The following VWF variants were observed in gnomAD, a reference collection of about 807,000 sequenced individuals.
The protein encoded by VWF is von Willebrand factor.
A neutral mutation model predicts 308.6 loss-of-function variants in VWF; 176 were observed. The ratio of observed to expected loss-of-function variants is 0.57; its 90% CI spans 0.50 to 0.65. VWF has a LOEUF of 0.65. Among genes scored for constraint, VWF ranks in the 30% least tolerant of loss-of-function variants. The probability of loss-of-function intolerance (pLI) is 0.00; values close to 1 mark genes in which losing one functional copy is unlikely to be tolerated. For synonymous variants in VWF, 1,385 were observed against 1,443.4 expected (o/e 0.96, Z 0.92); for missense variants, 3,146 against 3,648.2 (o/e 0.86, Z 3.55).
In VWF at chr12:6,020,312, TA is replaced by T. The variant is rs1040142354; in HGVS notation, c.3675-570del. Among the ~76,000 whole-genome samples, 1 of 152,230 alleles carries T rather than the reference TA, an allele frequency of 6.6e-6. No homozygotes were observed. On this transcript the variant is annotated intron_variant, in intron 27 of 51. Coordinates refer to ENST00000261405, the MANE Select transcript of VWF (RefSeq NM_000552.5). This position sits in a 1 kb window ranked among gnomAD's most constrained non-coding sequence, Gnocchi z 4.3. Reference sequence around the variant, plus strand: ...AGCAAAAACATTGTAGAAAGATGAATAAAGATTCAAAACCCCAGCTTTATCT... The same window carrying T: ...AGCAAAAACATTGTAGAAAGATGAATAAGATTCAAAACCCCAGCTTTATCT...
intron 2 of VWF, among the ~76,000 whole-genome samples, chr12:6,121,860 G>A (rs1945436116): frequency 6.6e-6 from 1 of 152,062 alleles, no homozygotes; most frequent in South Asian, 2.1e-4. Flanking sequence ...GAGCCCAGGA[G>A]GCAGAGGTTG....
intron 31 of VWF, among the ~76,000 whole-genome samples, chr12:6,014,034 G>A (rs569059201): frequency 2.6e-5 from 4 of 152,206 alleles, no homozygotes; most frequent in Admixed American, 2.6e-4. Flanking sequence ...TTGCATATAT[G>A]GCAGTTGGAG....
rs1944683827 is a variant in VWF, at chr12:6,063,892, C to G, written c.1432+354G>C. On this transcript the variant is annotated intron_variant, in intron 12 of 51. Coordinates refer to ENST00000261405, the MANE Select transcript of VWF (RefSeq NM_000552.5). This position sits in a 1 kb window ranked among gnomAD's most constrained non-coding sequence, Gnocchi z 4.9. ...CGATCTCTCAGCATCAGCCTCTGCC[C>G]CTGTCCCACCCCAGAGCAAACCAGA... Among the ~76,000 whole-genome samples the G allele has an allele frequency of 6.6e-6, 1 of 152,036 alleles. No individual in the cohort carries two copies. The highest frequency in any genetic ancestry group is 2.1e-4 in the South Asian group (1 of 4,822).
intron 5 of VWF, among the ~76,000 whole-genome samples, chr12:6,097,173 G>C (rs754698919): frequency 6.6e-5 from 10 of 152,100 alleles, no homozygotes; most frequent in East Asian, 3.9e-4. Context: ...CACGGTGGCT[G>C]ACACCTGTAA....
intron 45 of VWF, 66 bp downstream of exon 45, chr12:5,969,145 C>A: frequency 6.5e-7 from 1 of 1,549,982 alleles, no homozygotes; most frequent in Non-Finnish European, 8.7e-7. Context: ...ATTCAGGAGC[C>A]AAAAGTGGAA....
chr12:6,005,384 G>A (rs1414779973), intron 34 of VWF, among the ~76,000 whole-genome samples: 1 of 152,062 alleles, frequency 6.6e-6, no homozygotes, highest in Non-Finnish European at 1.5e-5. Flanking sequence ...TCAATAAATA[G>A]TACTGCAACC....
rs1319725898 is a variant in VWF at position 6,121,341 on chromosome 12, G to T, written c.56-3C>A. ...AGTTCCTTCTGCACAAAGGGTCCCT[G>T]GAGGGAGAGGCCACAGGTTGGGCTG... On this transcript the variant is annotated splice_polypyrimidine_tract_variant and splice_region_variant and intron_variant, in intron 2 of 51. Coordinates refer to ENST00000261405, the MANE Select transcript of VWF (RefSeq NM_000552.5). 6.2e-7 allele frequency: 1 copy of T among 1,613,844 alleles called. No individual in the cohort carries two copies. Among genetic ancestry groups the T allele is most frequent in the Non-Finnish European group, 8.5e-7 (1 of 1,179,956 alleles).
At chr12:6,095,006 G>A (rs1403244299) in intron 6 of VWF, among the ~76,000 whole-genome samples, 4 of 150,936 alleles carry the variant, frequency 2.7e-5, no homozygotes, top group Admixed American at 6.6e-5. Context: ...GACTACAGGC[G>A]CCCAGATGGT....
At chr12:5,999,977 A>C (rs904821213) in intron 34 of VWF, among the ~76,000 whole-genome samples, 4 of 152,130 alleles carry the variant, frequency 2.6e-5, no homozygotes, top group African/African-American at 9.6e-5. Context: ...AAAAAAAACC[A>C]ATCAAGAGAA....
chr12:6,062,899 G>C, intron 13 of VWF, 55 bp downstream of exon 13: 1 of 1,431,864 alleles, frequency 7.0e-7, no homozygotes, highest in East Asian at 2.3e-5. Context: ...AGAGCACAAG[G>C]GGTACTTTGT....
intron 42 of VWF, among the ~76,000 whole-genome samples, chr12:5,978,416 C>T (rs1943555814): frequency 6.6e-6 from 1 of 152,168 alleles, no homozygotes; most frequent in South Asian, 2.1e-4. Context: ...GTGCACACCA[C>T]CACACCCAAC....
At position 6,058,026 on chromosome 12, in the gene VWF, C is replaced by A. The variant is rs767005834; in HGVS notation, c.1552G>T (p.Gly518Trp). 6.2e-7 allele frequency: 1 copy of A among 1,613,182 alleles called. No individual in the cohort carries two copies. Among genetic ancestry groups the A allele is most frequent in the Non-Finnish European group, 8.5e-7 (1 of 1,180,024 alleles). ...TTCCCACACAGGCCGCAGGTCTTCC[C>A]GGCATAGACGGGGGACAGCTGCAGG... The part of the protein sequence containing the change: ...LLVKLSPVYA[G>W]KTCGLCGNYN... Residue 518 changes from glycine (G) to tryptophan (W), a missense_variant, in exon 14 of 52, where the codon GGG (glycine) becomes TGG (tryptophan). Coordinates refer to ENST00000261405, the MANE Select transcript of VWF (RefSeq NM_000552.5). This position sits in a 1 kb window ranked among gnomAD's most constrained non-coding sequence, Gnocchi z 4.9.
Position 6,018,644 on chromosome 12 carries a change from C to G in VWF, c.4774G>C (p.Val1592Leu). ...LRYLSDHSFLVSQGDREQAPN... is the reference protein window; with the variant it reads ...LRYLSDHSFLLSQGDREQAPN... ...GCCTGCTCCCGGTCACCCTGGCTGA[C>G]CAAGAAGCTGTGGTCAGAGAGGTAC... is the stretch of plus-strand genomic sequence containing the variant. Residue 1592 changes from valine (V) to leucine (L), a missense_variant, in exon 28 of 52, where the codon GTC becomes CTC. By Grantham distance (32) the Val-to-Leu change is conservative. Coordinates refer to ENST00000261405, the MANE Select transcript of VWF (RefSeq NM_000552.5). 2 of 1,614,018 alleles carry G rather than the reference C, an allele frequency of 1.2e-6. No individual in the cohort carries two copies. Among genetic ancestry groups the G allele is most frequent in the Non-Finnish European group, 1.7e-6 (2 of 1,179,944 alleles).
Position 6,095,516 on chromosome 12 carries a change from C to G in VWF, c.601G>C (p.Glu201Gln), listed in dbSNP as rs746578867. The change falls in exon 6 of 52, where the codon GAA becomes CAA. Residue 201 changes from glutamate (E) to glutamine (Q), a missense_variant. This residue lies in a region of VWF where 1,304 missense variants were observed against 1,353.0 expected (regional missense o/e 0.96). Coordinates refer to ENST00000261405, the MANE Select transcript of VWF (RefSeq NM_000552.5). ...GAGCTGCTGGGAGGAGATGCCCGTT[C>G]ACACCACTGTTCTCCACTGCTCAGA... ...WALSSGEQWC[E>Q]RASPPSSSCN... 1.2e-6 allele frequency: 2 copies of G among 1,614,138 alleles called. No homozygotes were observed. Among genetic ancestry groups the G allele is most frequent in the South Asian group, 2.2e-5 (2 of 91,078 alleles).
At chr12:5,989,488 A>G (rs1465047065) in intron 38 of VWF, among the ~76,000 whole-genome samples, 2 of 152,172 alleles carry the variant, frequency 1.3e-5, no homozygotes, top group African/African-American at 4.8e-5. Context: ...TTTAAACTGT[A>G]TTTTCTGAAA....
At chr12:6,105,854 G>GTGAA (rs982204876) in intron 5 of VWF, among the ~76,000 whole-genome samples, 8 of 151,558 alleles carry the variant, frequency 5.3e-5, no homozygotes, top group African/African-American at 1.9e-4. Context: ...GGCCAACATG[G>GTGAA]TGAAACCCCA....
intron 3 of VWF, among the ~76,000 whole-genome samples, chr12:6,113,435 C>A (rs374183941): frequency 6.6e-6 from 1 of 151,742 alleles, no homozygotes; most frequent in Middle Eastern, 3.2e-3. Context: ...GTAGCTGGGA[C>A]TACAGGTGCC....
At chr12:6,045,138 C>T (rs116891650) in intron 17 of VWF, among the ~76,000 whole-genome samples, 2,273 of 152,294 alleles carry the variant, frequency 0.015, 22 homozygotes, top group Non-Finnish European at 0.025. Flanking sequence ...ATCTACTTTG[C>T]GCATTGACAT....
chr12:6,039,647 G>T (rs192225080), intron 18 of VWF, among the ~76,000 whole-genome samples: 1 of 152,240 alleles, frequency 6.6e-6, no homozygotes, highest in African/African-American at 2.4e-5. Flanking sequence ...CAGTAAGCCC[G>T]ACTGAGTGAC....
Sources: allele counts gnomAD v4.1 joint callset (sites outside exome capture counted in the v4.1 genomes callset), GRCh38; gene constraint gnomAD v4.1.1; regional missense constraint gnomAD v4.1.1; non-coding constraint Gnocchi (gnomAD v3.1); transcripts MANE v1.5; gene names NCBI Gene and HGNC (gene_info 2026-07-23, HGNC 2026-07-21).